The following MAMDC2 variants were observed in gnomAD, a reference collection of about 807,000 sequenced individuals.
MAMDC2 encodes the protein MAM domain containing 2, also known as MAM domain-containing protein 2.
MAMDC2 carries 57 observed loss-of-function variants against 89.8 expected under a neutral mutation model. That is an observed-to-expected ratio of 0.63 (90% CI 0.51 to 0.79). The LOEUF is 0.79. MAMDC2 is among the 30% of genes least tolerant of loss of function. The probability of loss-of-function intolerance (pLI) is 0.00; values close to 1 mark genes in which losing one functional copy is unlikely to be tolerated. For missense variants in MAMDC2, 800 were observed against 820.6 expected, an observed-to-expected ratio of 0.97 and a Z score of 0.31; for synonymous variants, 313 against 293.4, an observed-to-expected ratio of 1.07 and a Z score of -0.68.
chr9:70,051,710 T>C (rs1402983585), intron 2 of MAMDC2, among the ~76,000 whole-genome samples: 3 of 152,210 alleles, frequency 2.0e-5, no homozygotes, highest in African/African-American at 4.8e-5. Flanking sequence ...TGGGTATCCT[T>C]GTTGGTCAAC....
At chr9:70,171,032 A>G (rs1242551891) in intron 11 of MAMDC2, 1 of 176,184 alleles carries the variant, frequency 5.7e-6, no homozygotes, top group East Asian at 1.6e-4. Flanking sequence ...AGTAGCCAAA[A>G]CGCACCTGTA....
intron 11 of MAMDC2, among the ~76,000 whole-genome samples, chr9:70,213,900 C>T (rs181010918): frequency 2.6e-4 from 39 of 152,250 alleles, no homozygotes; most frequent in Non-Finnish European, 2.2e-4. Flanking sequence ...CATATCTCAC[C>T]GCCAAGAACT....
At chr9:70,221,380 T>TAGAGAGAGAGAGAGAG (rs58804811) in intron 12 of MAMDC2, among the ~76,000 whole-genome samples, 40 of 7,006 alleles carry the variant, frequency 5.7e-3, no homozygotes, top group Admixed American at 8.5e-3. Context: ...TATATATATA[T>TAGAGAGAGAGAGAGAG]AGAGAGAGAG....
At chr9:70,073,350 T>G (rs567900038) in intron 2 of MAMDC2, among the ~76,000 whole-genome samples, 1 of 152,342 alleles carries the variant, frequency 6.6e-6, no homozygotes, top group South Asian at 2.1e-4. Flanking sequence ...ATATTTATAA[T>G]AAAGGTTCCT....
At chr9:70,143,017 A>G (rs2031278980) in intron 8 of MAMDC2, among the ~76,000 whole-genome samples, 1 of 152,108 alleles carries the variant, frequency 6.6e-6, no homozygotes, top group African/African-American at 2.4e-5. Context: ...CATCTGATGA[A>G]AAACCTGCTC....
chr9:70,057,590 G>A (rs1827052182), intron 2 of MAMDC2, among the ~76,000 whole-genome samples: 1 of 152,166 alleles, frequency 6.6e-6, no homozygotes, highest in East Asian at 1.9e-4. Context: ...GCATATTCCT[G>A]TCATAAAATA....
At chr9:70,136,286 T>C (rs760721467) in intron 7 of MAMDC2, among the ~76,000 whole-genome samples, 1 of 152,238 alleles carries the variant, frequency 6.6e-6, no homozygotes, top group Admixed American at 6.5e-5. Context: ...GTTGGAATCA[T>C]AGAGTATGTA....
chr9:70,095,630 A>T (rs984356654), intron 2 of MAMDC2, among the ~76,000 whole-genome samples: 3 of 152,170 alleles, frequency 2.0e-5, no homozygotes, highest in African/African-American at 7.2e-5. Context: ...CCATGTGGAG[A>T]TGCCCAACAG....
At chr9:70,091,986 G>T (rs1267782480) in intron 2 of MAMDC2, among the ~76,000 whole-genome samples, 1 of 152,120 alleles carries the variant, frequency 6.6e-6, no homozygotes, top group East Asian at 1.9e-4. Context: ...ATTGTTCTTG[G>T]ACTTAAATTT....
chr9:70,177,683 TACTGGTGGAGCAGTA>T (rs1449468735), intron 11 of MAMDC2, among the ~76,000 whole-genome samples: 1 of 152,158 alleles, frequency 6.6e-6, no homozygotes, highest in Non-Finnish European at 1.5e-5. Flanking sequence ...GGCCAGCACT[TACTGGTGGAGCAGTA>T]ACTGGTGGAG....
Position 70,150,754 on chromosome 9 carries a change from C to T in MAMDC2, c.1404+6935C>T, listed in dbSNP as rs114719815. 3.7e-3 allele frequency among the ~76,000 whole-genome samples: 561 copies of T among 152,270 alleles called. 2 individuals carry two copies. Among genetic ancestry groups the T allele is most frequent in the African/African-American group, 0.012 (518 of 41,550 alleles). ...CTACTTCTCTCTCTCCAGCCACCAC[C>T]CTAGTCTAAGCCACCATCATTTCTT... On this transcript the variant is annotated intron_variant, in intron 9 of 13. Transcript: ENST00000377182.
intron 11 of MAMDC2, among the ~76,000 whole-genome samples, chr9:70,203,052 T>G (rs2033137424): frequency 1.3e-5 from 2 of 152,230 alleles, no homozygotes; most frequent in African/African-American, 2.4e-5. Context: ...TTAGCCCATT[T>G]ATATTTAAAG....
intron 11 of MAMDC2, among the ~76,000 whole-genome samples, chr9:70,204,032 G>A (rs923414290): frequency 2.2e-4 from 33 of 149,978 alleles, no homozygotes; most frequent in African/African-American, 6.6e-4. Context: ...TAATTTGATC[G>A]TCTGAAGCCT....
chr9:70,056,064 C>T (rs1276248544), intron 2 of MAMDC2, among the ~76,000 whole-genome samples: 2 of 152,174 alleles, frequency 1.3e-5, no homozygotes, highest in African/African-American at 2.4e-5. Context: ...TTTTGCCTCA[C>T]TGCCAAGGAG....
intron 2 of MAMDC2, chr9:70,062,561 T>C (rs1490540198): frequency 6.6e-6 from 1 of 152,232 alleles, no homozygotes; most frequent in Non-Finnish European, 1.5e-5. Flanking sequence ...TCATTGTTTG[T>C]ATTTGGGACA....
chr9:70,170,392 A>G, intron 10 of MAMDC2, 87 bp from the exon 11 acceptor site: 1 of 1,452,550 alleles, frequency 6.9e-7, no homozygotes, highest in South Asian at 1.4e-5. Context: ...ATGGCCAGAC[A>G]ACATTCATAC....
chr9:70,066,183 A>G lies in MAMDC2; in HGVS notation c.148+21486A>G, dbSNP rs2997671. 9.3e-3 allele frequency among the ~76,000 whole-genome samples: 1,414 copies of G among 152,286 alleles called. 28 individuals are homozygous for G. The highest frequency in any genetic ancestry group is 0.032 in the African/African-American group (1,344 of 41,560). ...CTCTGTCACAGCTCAGCAGAGACCC[A>G]AGGGAATGGGGCAGCCAGACATGCG... On this transcript the variant is annotated intron_variant, in intron 2 of 13. Coordinates refer to ENST00000377182, the MANE Select transcript of MAMDC2 (RefSeq NM_153267.5).
chr9:70,217,396 C>G (rs2033468789), intron 11 of MAMDC2: 5 of 1,335,578 alleles, frequency 3.7e-6, no homozygotes, highest in Non-Finnish European at 2.2e-6. Flanking sequence ...GGAAGAAATT[C>G]AAAAGAAAAG....
intron 5 of MAMDC2, among the ~76,000 whole-genome samples, chr9:70,116,208 C>T (rs971898659): frequency 9.9e-5 from 15 of 152,180 alleles, no homozygotes; most frequent in Non-Finnish European, 1.0e-4. Flanking sequence ...TTTTCATCCT[C>T]GATGGCAAGA....
Sources: allele counts gnomAD v4.1 joint callset (sites outside exome capture counted in the v4.1 genomes callset), GRCh38; gene constraint gnomAD v4.1.1; transcripts MANE v1.5; gene names NCBI Gene and HGNC (gene_info 2026-07-23, HGNC 2026-07-21).